Variants in POTEI observed in about 807,000 individuals in gnomAD.
POTEI encodes POTE ankyrin domain family, member I.
In POTEI, 14 loss-of-function variants were observed where a neutral mutation model predicts 43.4. The ratio of observed to expected loss-of-function variants is 0.32; its 90% CI spans 0.21 to 0.50. The LOEUF (loss-of-function observed/expected upper bound fraction) is 0.50, where lower values mean the gene tolerates loss of function less well. POTEI is among the 20% of genes least tolerant of loss of function. POTEI has a pLI of 0.98. For synonymous variants in POTEI, 95 were observed against 297.9 expected (o/e 0.32, Z 7.01); for missense variants, 235 against 795.4 (o/e 0.30, Z 8.47).
intron 10 of POTEI, among the ~76,000 whole-genome samples, chr2:130,477,849 G>A (rs1465640644): frequency 2.1e-5 from 3 of 143,932 alleles, no homozygotes; most frequent in Non-Finnish European, 3.0e-5. Flanking sequence ...GGCATACCAT[G>A]CAGCAGCAAG....
At chr2:130,507,314 ATATACACACACAC>A in intron 1 of POTEI, among the ~76,000 whole-genome samples, 1 of 6,440 alleles carries the variant, frequency 1.6e-4, no homozygotes, top group South Asian at 0.025. Flanking sequence ...ATATATATAT[ATATACACACACAC>A]ACACACACAC....
At position 130,460,067 on chromosome 2, in the gene POTEI, G is replaced by C. The variant is rs1340558295; in HGVS notation, c.*2749C>G. 1.3e-5 allele frequency: 2 copies of C among 150,534 alleles called. No individual in the cohort carries two copies. The highest frequency in any genetic ancestry group is 1.9e-4 in the East Asian group (1 of 5,148). 9.3% of individuals were successfully genotyped at this position (150,534 alleles called of 1,614,324 possible). A position where few individuals can be genotyped will look rare whatever the true frequency, so the allele number is the denominator to read the frequency against. Reference sequence around the variant, plus strand: ...GTATGGAGAGGCAATGTGCAGGCTGGTGCGTGGCTCTAGGGGCCACCTTGC... The same window carrying C: ...GTATGGAGAGGCAATGTGCAGGCTGCTGCGTGGCTCTAGGGGCCACCTTGC... On this transcript the variant is annotated 3_prime_UTR_variant, in exon 15 of 15. Transcript: ENST00000451531.
intron 13 of POTEI, among the ~76,000 whole-genome samples, chr2:130,467,972 G>C (rs1477501716): frequency 2.1e-3 from 278 of 131,880 alleles, no homozygotes; most frequent in African/African-American, 8.2e-3. Flanking sequence ...ACAGATGTTG[G>C]TGTGGACGCG....
chr2:130,461,351 C>T lies in POTEI; in HGVS notation c.*1465G>A, dbSNP rs921050331. The T allele has an allele frequency of 2.0e-5, 3 of 152,164 alleles. No homozygotes were observed. Among genetic ancestry groups the T allele is most frequent in the Non-Finnish European group, 2.9e-5 (2 of 68,048 alleles). The allele number at this position is 152,164 out of a possible 1,614,324, so 9.4% of individuals were successfully genotyped here. On this transcript the variant is annotated 3_prime_UTR_variant, in exon 15 of 15. Coordinates refer to ENST00000451531, the MANE Select transcript of POTEI (RefSeq NM_001277406.2). ...CCCTGGGAGCTCTGACTCAGGGAGG[C>T]CTGAGACCTCTGTCGGCCAGAGAAC...
At chr2:130,477,200 G>A (rs961937445) in intron 10 of POTEI, among the ~76,000 whole-genome samples, 3 of 147,966 alleles carry the variant, frequency 2.0e-5, no homozygotes, top group African/African-American at 7.5e-5. Flanking sequence ...TCTGTCACCA[G>A]GCTGGAATGC....
chr2:130,477,869 G>A (rs988309527), intron 10 of POTEI, among the ~76,000 whole-genome samples: 13 of 142,414 alleles, frequency 9.1e-5, no homozygotes, highest in African/African-American at 1.4e-4. Context: ...GAGCGGGAGC[G>A]AGGCCTGAAA....
At position 130,462,424 on chromosome 2, in the gene POTEI, T is replaced by C. The variant is rs1221496802; in HGVS notation, c.*392A>G. The C allele has an allele frequency of 8.9e-6, 2 of 224,212 alleles. No individual in the cohort carries two copies. The highest frequency in any genetic ancestry group is 1.7e-5 in the Non-Finnish European group (2 of 115,764). The allele number at this position is 224,212 out of a possible 1,614,324, so 13.9% of individuals were successfully genotyped here. A position where few individuals can be genotyped will look rare whatever the true frequency, so the allele number is the denominator to read the frequency against. ...AGGCGAAGATTCAAAAAATTTTGCA[T>C]TATGTAATCTGCACAAAAGCAATGC... On this transcript the variant is annotated 3_prime_UTR_variant, in exon 15 of 15. Coordinates refer to ENST00000451531, the MANE Select transcript of POTEI (RefSeq NM_001277406.2).
intron 13 of POTEI, among the ~76,000 whole-genome samples, chr2:130,468,506 G>C (rs1410534126): frequency 6.6e-6 from 1 of 151,898 alleles, no homozygotes; most frequent in Non-Finnish European, 1.5e-5. Context: ...AAGGCGGCGG[G>C]AGAGAGAGAA....
At chr2:130,467,556 C>A (rs1466801672) in intron 13 of POTEI, among the ~76,000 whole-genome samples, 1 of 141,820 alleles carries the variant, frequency 7.1e-6, no homozygotes, top group Non-Finnish European at 1.6e-5. Flanking sequence ...AAAACATTGG[C>A]CTAGGCAAAG....
intron 13 of POTEI, among the ~76,000 whole-genome samples, chr2:130,468,701 A>ATTG (rs544161065): frequency 0.021 from 1,988 of 94,138 alleles, 20 homozygotes; most frequent in Non-Finnish European, 0.026. Flanking sequence ...AAGCCAAACT[A>ATTG]TTGGGGGGGG....
chr2:130,477,112 G>C (rs559806944), intron 10 of POTEI, among the ~76,000 whole-genome samples: 1 of 148,746 alleles, frequency 6.7e-6, no homozygotes, highest in Non-Finnish European at 1.5e-5. Context: ...TATCTAAAAT[G>C]TTTCCCTCCA....
At position 130,496,769 on chromosome 2, in the gene POTEI, T is replaced by A. The variant is rs1683924828; in HGVS notation, c.1056-147A>T. 2.9e-5 allele frequency: 15 copies of A among 515,638 alleles called. No individual in the cohort carries two copies. The South Asian group carries it at 3.3e-4, about 11-fold the overall frequency. 31.9% of individuals were successfully genotyped at this position (515,638 alleles called of 1,614,324 possible). On this transcript the variant is annotated intron_variant, in intron 5 of 14. Transcript: ENST00000451531. ...ATCCCATCCACTTATGAGTACATTC[T>A]ACAAACTTCTCTTTAAGCTTCTAAT... is the stretch of plus-strand genomic sequence containing the variant.
chr2:130,459,931 G>C lies in POTEI; in HGVS notation c.*2885C>G, dbSNP rs1426784258. On this transcript the variant is annotated 3_prime_UTR_variant, in exon 15 of 15. Coordinates refer to ENST00000451531, the MANE Select transcript of POTEI (RefSeq NM_001277406.2). ...TTTTCTTTAATGGCAGTTGATGTGG[G>C]TTGGGGTGTGTGCTGCACTCCTGTG... 6.9e-6 allele frequency: 1 copy of C among 145,228 alleles called. No individual in the cohort carries two copies. Among genetic ancestry groups the C allele is most frequent in the Admixed American group, 6.7e-5 (1 of 14,944 alleles). The allele number at this position is 145,228 out of a possible 1,614,324, so 9.0% of individuals were successfully genotyped here. A position where few individuals can be genotyped will look rare whatever the true frequency, so the allele number is the denominator to read the frequency against.
chr2:130,467,584 C>A (rs1259064706), intron 13 of POTEI, among the ~76,000 whole-genome samples: 1 of 146,706 alleles, frequency 6.8e-6, no homozygotes, highest in Non-Finnish European at 1.5e-5. Flanking sequence ...GAGGAAGACC[C>A]TAAAAGCAAA....
intron 9 of POTEI, among the ~76,000 whole-genome samples, chr2:130,484,244 ACT>A (rs1444079533): frequency 6.7e-6 from 1 of 150,076 alleles, no homozygotes; most frequent in East Asian, 2.0e-4. Context: ...TATATCAAAG[ACT>A]CTAAGAAACG....
intron 9 of POTEI, among the ~76,000 whole-genome samples, chr2:130,484,757 C>T (rs1382326090): frequency 1.4e-5 from 2 of 146,876 alleles, no homozygotes; most frequent in East Asian, 2.0e-4. Context: ...GTTTTAAATA[C>T]ATCCACTGAG....
rs1215840220 is a variant in POTEI, at chr2:130,461,699, AG to A, written c.*1116del. On this transcript the variant is annotated 3_prime_UTR_variant, in exon 15 of 15. Transcript: ENST00000451531. Reference sequence around the variant, plus strand: ...GAGGTCCTGTCCAGTGAGATGGAACAGGATCAGGGGCCTGCTTACAGAAGCA... The same window carrying A: ...GAGGTCCTGTCCAGTGAGATGGAACAGATCAGGGGCCTGCTTACAGAAGCA... 1 of 151,048 alleles carries A rather than the reference AG, an allele frequency of 6.6e-6. No individual in the cohort carries two copies. Among genetic ancestry groups the A allele is most frequent in the Non-Finnish European group, 1.5e-5 (1 of 67,818 alleles). The allele number at this position is 151,048 out of a possible 1,614,324, so 9.4% of individuals were successfully genotyped here.
At chr2:130,472,193 T>A in intron 13 of POTEI, among the ~76,000 whole-genome samples, 1 of 119,420 alleles carries the variant, frequency 8.4e-6, no homozygotes, top group African/African-American at 3.0e-5. Flanking sequence ...TCTGGAGGAG[T>A]GCTGAAATTG....
intron 9 of POTEI, among the ~76,000 whole-genome samples, chr2:130,483,780 A>G (rs1443741198): frequency 6.7e-6 from 1 of 149,658 alleles, no homozygotes; most frequent in East Asian, 2.0e-4. Flanking sequence ...TATTTTTAGT[A>G]GAGATGGGGT....
Sources: allele counts gnomAD v4.1 joint callset (sites outside exome capture counted in the v4.1 genomes callset), GRCh38; gene constraint gnomAD v4.1.1; transcripts MANE v1.5; gene names NCBI Gene and HGNC (gene_info 2026-07-23, HGNC 2026-07-21).